KCNIP2: variants seen among roughly 807,000 people sequenced by gnomAD.
KCNIP2 encodes the protein potassium voltage-gated channel interacting protein 2.
KCNIP2 carries 19 observed loss-of-function variants against 39.0 expected under a neutral mutation model. That is an observed-to-expected ratio of 0.49 (90% CI 0.34 to 0.71). The LOEUF is 0.71. Among genes scored for constraint, KCNIP2 ranks in the 30% least tolerant of loss-of-function variants. The pLI is 0.01. For synonymous variants in KCNIP2, 111 were observed against 131.2 expected (o/e 0.85, Z 1.05); for missense variants, 261 against 346.0 (o/e 0.75, Z 1.95).
At chr10:101,832,201 T>C (rs1263994650) in intron 1 of KCNIP2, among the ~76,000 whole-genome samples, 6 of 152,174 alleles carry the variant, frequency 3.9e-5, no homozygotes, top group Non-Finnish European at 8.8e-5. Context: ...GGGCTATCCA[T>C]GGCCCACTGA....
chr10:101,843,698 G>A lies in KCNIP2; in HGVS notation c.-130C>T. ...CTGGGGAAGTCCGGGCTGAGGCTGA[G>A]TCTGGGAATGGGCCCGGGGTCTGAG... On this transcript the variant is annotated 5_prime_UTR_variant, in exon 1 of 10. Coordinates refer to ENST00000356640, the MANE Select transcript of KCNIP2 (RefSeq NM_173191.3). This position sits in a 1 kb window ranked among gnomAD's most constrained non-coding sequence, Gnocchi z 6.7. 2.1e-6 allele frequency: 1 copy of A among 475,246 alleles called. No homozygotes were observed. Among genetic ancestry groups the A allele is most frequent in the Non-Finnish European group, 3.7e-6 (1 of 272,144 alleles). 29.4% of individuals were successfully genotyped at this position (475,246 alleles called of 1,614,324 possible).
In KCNIP2 at chr10:101,843,524, G is replaced by A. The variant is rs770569684; in HGVS notation, c.45C>T (p.Asp15=). ...TGAGCTGGTCGTAGGAGCCGTCCAG[G>A]TCTCGGGAATCGGACAAACTCTCCT... ...GRKESLSDSR[D]LDGSYDQLTG... is the part of the protein sequence containing the mutation. Residue 15 remains aspartate (D), a synonymous_variant, in exon 1 of 10, where the codon GAC becomes GAT. Coordinates refer to ENST00000356640, the MANE Select transcript of KCNIP2 (RefSeq NM_173191.3). This position sits in a 1 kb window ranked among gnomAD's most constrained non-coding sequence, Gnocchi z 6.7. 6.3e-7 allele frequency: 1 copy of A among 1,582,210 alleles called. No homozygotes were observed. Among genetic ancestry groups the A allele is most frequent in the South Asian group, 1.2e-5 (1 of 86,254 alleles).
chr10:101,839,931 G>A (rs1376765063), intron 1 of KCNIP2: 1 of 1,284,424 alleles, frequency 7.8e-7, no homozygotes, highest in African/African-American at 1.6e-5. Flanking sequence ...CGCGTGGGCG[G>A]CGCGGGAGGG....
At chr10:101,830,682 CA>C (rs2065946396) in intron 2 of KCNIP2, among the ~76,000 whole-genome samples, 1 of 45,644 alleles carries the variant, frequency 2.2e-5, no homozygotes, top group Non-Finnish European at 4.8e-5. Flanking sequence ...TGGTCACGCC[CA>C]CACACACACA....
rs151226756 is a variant in KCNIP2, at chr10:101,831,400, C to T, written c.74-233G>A. On this transcript the variant is annotated intron_variant, in intron 1 of 9. Coordinates refer to ENST00000356640, the MANE Select transcript of KCNIP2 (RefSeq NM_173191.3). ...TGGGACGTGGCCGGTGACAGCGAGG[C>T]GGCAAGGATGAGGTGGCAGTGGCCT... Among the ~76,000 whole-genome samples the T allele has an allele frequency of 4.0e-3, 608 of 152,224 alleles. 8 individuals are homozygous for T. The highest frequency in any genetic ancestry group is 0.013 in the African/African-American group (557 of 41,522).
At position 101,843,415 on chromosome 10, in the gene KCNIP2, C is replaced by T. The variant is rs2066390785; in HGVS notation, c.73+81G>A. ...AATGGGGCAGAGTGTGGGTGCGGGCCAGGCCGGGGTCGGAGAGGCGGAAGG... is the reference window on the plus strand; with the variant it reads ...AATGGGGCAGAGTGTGGGTGCGGGCTAGGCCGGGGTCGGAGAGGCGGAAGG... On this transcript the variant is annotated intron_variant, in intron 1 of 9. Coordinates refer to ENST00000356640, the MANE Select transcript of KCNIP2 (RefSeq NM_173191.3). This position sits in a 1 kb window ranked among gnomAD's most constrained non-coding sequence, Gnocchi z 6.7. 62 of 933,988 alleles carry T rather than the reference C, an allele frequency of 6.6e-5. No homozygotes were observed. Among genetic ancestry groups the T allele is most frequent in the Non-Finnish European group, 8.6e-5 (57 of 666,046 alleles). 57.9% of individuals were successfully genotyped at this position (933,988 alleles called of 1,614,324 possible). A position where few individuals can be genotyped will look rare whatever the true frequency, so the allele number is the denominator to read the frequency against.
rs1213503321 is a variant in KCNIP2 at position 101,828,476 on chromosome 10, G to A, written c.419-17C>T. 6.2e-7 allele frequency: 1 copy of A among 1,613,498 alleles called. No homozygotes were observed. The highest frequency in any genetic ancestry group is 8.5e-7 in the Non-Finnish European group (1 of 1,179,804). On this transcript the variant is annotated splice_polypyrimidine_tract_variant and intron_variant, in intron 5 of 9. Coordinates refer to ENST00000356640, the MANE Select transcript of KCNIP2 (RefSeq NM_173191.3). The surrounding 1 kb of genome is among the most constrained non-coding windows in gnomAD (Gnocchi z 6.6). ...TGCTGGAGTCTGCAGGGTGAGTGTG[G>A]AGAAGTTGGCTTCCACACAGGAGAG...
At chr10:101,841,409 C>G (rs2066335976) in intron 1 of KCNIP2, among the ~76,000 whole-genome samples, 1 of 152,172 alleles carries the variant, frequency 6.6e-6, no homozygotes, top group African/African-American at 2.4e-5. Flanking sequence ...CCCGCCCGCC[C>G]GGGAGTCTTC....
At position 101,827,504 on chromosome 10, in the gene KCNIP2, G is replaced by A; in HGVS notation, c.766-104C>T. The A allele has an allele frequency of 2.2e-6, 3 of 1,383,568 alleles. No homozygotes were observed. In the South Asian group the frequency reaches 3.6e-5, roughly 17 times the overall value. The allele number at this position is 1,383,568 out of a possible 1,614,324, so 85.7% of individuals were successfully genotyped here. A position where few individuals can be genotyped will look rare whatever the true frequency, so the allele number is the denominator to read the frequency against. On this transcript the variant is annotated intron_variant, in intron 9 of 9. Transcript: ENST00000356640. Reference sequence around the variant, plus strand: ...GAGTCACAGACGGGGACATTCAAAAGCACAGAGGAAGGAGATGCCCAGAGA... The same window carrying A: ...GAGTCACAGACGGGGACATTCAAAAACACAGAGGAAGGAGATGCCCAGAGA...
At chr10:101,829,283 C>A (rs2065871331) in intron 3 of KCNIP2, 84 bp from the exon 4 acceptor site, 6 of 1,460,096 alleles carry the variant, frequency 4.1e-6, no homozygotes, top group Non-Finnish European at 5.4e-6. Context: ...ACCCCCTCCC[C>A]GCCCCCCGGT....
chr10:101,828,235 C>T lies in KCNIP2; in HGVS notation c.513G>A (p.Val171=). ...SFEDFVAGLS[V]ILRGTVDDRL... ...TGTCATCTACAGTTCCCCGAAGAAT[C>T]ACGGACAAACCAGCCACAAAGTCCT... Residue 171 remains valine, a synonymous_variant, in exon 7 of 10, where the codon GTG becomes GTA. Transcript: ENST00000356640. This position sits in a 1 kb window ranked among gnomAD's most constrained non-coding sequence, Gnocchi z 6.6. 6.2e-7 allele frequency: 1 copy of T among 1,614,124 alleles called. No individual in the cohort carries two copies. The highest frequency in any genetic ancestry group is 1.1e-5 in the South Asian group (1 of 91,078).
chr10:101,831,694 A>G (rs12263631), intron 1 of KCNIP2, among the ~76,000 whole-genome samples: 1,565 of 152,218 alleles, frequency 0.01, 30 homozygotes, highest in African/African-American at 0.032. Flanking sequence ...ACAAACATAT[A>G]CAAATGTGAC....
chr10:101,830,918 C>G, intron 2 of KCNIP2, 154 bp downstream of exon 2: 1 of 719,186 alleles, frequency 1.4e-6, no homozygotes, highest in Non-Finnish European at 2.4e-6. Flanking sequence ...CAGGCCCCAC[C>G]CCCACACACG....
At chr10:101,840,078 A>G (rs1266308996) in intron 1 of KCNIP2, among the ~76,000 whole-genome samples, 633 of 105,808 alleles carry the variant, frequency 6.0e-3, no homozygotes, top group South Asian at 0.011. Context: ...GGTGGCGGGG[A>G]GGGGCGGCGC....
chr10:101,831,173 A>T lies in KCNIP2; in HGVS notation c.74-6T>A. On this transcript the variant is annotated splice_polypyrimidine_tract_variant and splice_region_variant and intron_variant, in intron 1 of 9. Coordinates refer to ENST00000356640, the MANE Select transcript of KCNIP2 (RefSeq NM_173191.3). Reference sequence around the variant, plus strand: ...AGTGGGCCCTGGAGGGTGGCCTGGGAAGAGAGAAGACCCCAGGAAGGCACA... The same window carrying T: ...AGTGGGCCCTGGAGGGTGGCCTGGGTAGAGAGAAGACCCCAGGAAGGCACA... 1 of 1,592,710 alleles carries T rather than the reference A, an allele frequency of 6.3e-7. No individual in the cohort carries two copies.
At chr10:101,832,711 CTGGGG>C (rs1219457720) in intron 1 of KCNIP2, among the ~76,000 whole-genome samples, 3 of 152,166 alleles carry the variant, frequency 2.0e-5, no homozygotes, top group Non-Finnish European at 4.4e-5. Flanking sequence ...TGGATTGCGC[CTGGGG>C]CCTCCAATGG....
At chr10:101,837,976 C>T (rs1298132241) in intron 1 of KCNIP2, among the ~76,000 whole-genome samples, 1 of 152,194 alleles carries the variant, frequency 6.6e-6, no homozygotes, top group African/African-American at 2.4e-5. Flanking sequence ...TCCTAACTCC[C>T]ACTCTCAACT....
chr10:101,831,346 T>C (rs753205074), intron 1 of KCNIP2, among the ~76,000 whole-genome samples, 179 bp from the exon 2 acceptor site: 23 of 152,224 alleles, frequency 1.5e-4, no homozygotes, highest in Middle Eastern at 3.4e-3. Context: ...AGTGAGTCCA[T>C]AGAGGTGAGG....
rs1331924445 is a variant in KCNIP2, at chr10:101,841,334, C to G, written c.73+2162G>C. On this transcript the variant is annotated intron_variant, in intron 1 of 9. Transcript: ENST00000356640. The stretch of plus-strand genomic sequence containing the variant: ...CGAAGCCTGGCGCGCGCTTCAGCAC[C>G]GCGGACAACGACTCCCCTTCATGCT... Among the ~76,000 whole-genome samples the G allele has an allele frequency of 3.9e-5, 6 of 152,210 alleles. 1 individual carries two copies. The highest frequency in any genetic ancestry group is 1.5e-5 in the Non-Finnish European group (1 of 68,042).
Sources: gnomAD v4.1 joint callset for allele counts (sites outside exome capture counted in the v4.1 genomes callset) on GRCh38, gnomAD v4.1.1 for gene constraint, Gnocchi (gnomAD v3.1) non-coding constraint, MANE v1.5 for transcripts, NCBI Gene and HGNC (gene_info 2026-07-23, HGNC 2026-07-21) for gene names.